The following GMDS variants were observed in gnomAD, a reference collection of about 807,000 sequenced individuals.
The protein encoded by GMDS is GDP-mannose 4,6 dehydratase.
In GMDS, 20 loss-of-function variants were observed where a neutral mutation model predicts 49.9. That is an observed-to-expected ratio of 0.40 (90% confidence interval 0.28 to 0.58). The LOEUF (loss-of-function observed/expected upper bound fraction) is 0.58. GMDS is among the 20% of genes least tolerant of loss of function. GMDS has a pLI of 0.42. For synonymous variants in GMDS, 177 were observed against 178.6 expected, an observed-to-expected ratio of 0.99 and a Z score of 0.07; for missense variants, 362 against 481.4, an observed-to-expected ratio of 0.75 and a Z score of 2.32.
At chr6:2,046,904 T>C (rs567472291) in intron 4 of GMDS, among the ~76,000 whole-genome samples, 2 of 152,326 alleles carry the variant, frequency 1.3e-5, no homozygotes, top group Admixed American at 6.5e-5. Flanking sequence ...TGGGCAGTGA[T>C]TGGAAGACTA....
At position 1,742,550 on chromosome 6, in the gene GMDS, C is replaced by G; in HGVS notation, c.808G>C (p.Asp270His). Residue 270 changes from aspartate to histidine, a missense_variant, in exon 8 of 11, where the codon GAC becomes CAC. Transcript: ENST00000380815. The stretch of plus-strand genomic sequence containing the variant: ...ACCTCCCCAGTAGCTATAACGAAGT[C>G]CTCCGGCTCATCATTCTGCAACATC... Reference protein sequence around the residue: ...WLMLQNDEPEDFVIATGEVHS... With the variant: ...WLMLQNDEPEHFVIATGEVHS... 1 of 1,611,300 alleles carries G rather than the reference C, an allele frequency of 6.2e-7. No homozygotes were observed. Among genetic ancestry groups the G allele is most frequent in the Non-Finnish European group, 8.5e-7 (1 of 1,177,450 alleles).
chr6:1,797,049 G>T (rs1026548411), intron 7 of GMDS, among the ~76,000 whole-genome samples: 2 of 152,168 alleles, frequency 1.3e-5, no homozygotes, highest in Non-Finnish European at 2.9e-5. Flanking sequence ...ACCAGTATAT[G>T]GCCTGTTAGG....
intron 1 of GMDS, among the ~76,000 whole-genome samples, chr6:2,220,708 G>T (rs1285639661): frequency 1.3e-5 from 2 of 151,722 alleles, no homozygotes; most frequent in Non-Finnish European, 2.9e-5. Context: ...TTTAAACTTG[G>T]GTCCCACCCC....
At chr6:1,722,659 C>T (rs1044627568) in intron 9 of GMDS, among the ~76,000 whole-genome samples, 4 of 152,186 alleles carry the variant, frequency 2.6e-5, no homozygotes, top group African/African-American at 7.2e-5. Context: ...AACAGAGGCA[C>T]TGAGAAGTTA....
chr6:1,959,015 C>T (rs181123701), intron 6 of GMDS, among the ~76,000 whole-genome samples: 116 of 152,238 alleles, frequency 7.6e-4, no homozygotes, highest in African/African-American at 2.7e-3. Context: ...TCTGAAAAGG[C>T]AACAAGCCAA....
chr6:1,992,016 C>G (rs1305666238), intron 4 of GMDS, among the ~76,000 whole-genome samples: 28 of 152,234 alleles, frequency 1.8e-4, no homozygotes, highest in Admixed American at 1.8e-3. Flanking sequence ...AGTCCCCCAC[C>G]TGCTTCAAAG....
chr6:2,075,499 C>T (rs374245025), intron 4 of GMDS, among the ~76,000 whole-genome samples: 9 of 152,156 alleles, frequency 5.9e-5, no homozygotes, highest in Non-Finnish European at 8.8e-5. Context: ...TGAGTGAGAA[C>T]ACGCGATGTT....
chr6:2,211,838 T>C (rs1481600888), intron 1 of GMDS, among the ~76,000 whole-genome samples: 1 of 152,244 alleles, frequency 6.6e-6, no homozygotes, highest in East Asian at 1.9e-4. Flanking sequence ...AGTTTACGAC[T>C]TCCAGTCTTT....
At chr6:2,145,492 G>A (rs935692081) in intron 1 of GMDS, among the ~76,000 whole-genome samples, 5 of 151,696 alleles carry the variant, frequency 3.3e-5, no homozygotes, top group African/African-American at 7.3e-5. Flanking sequence ...GAGCTGGCAC[G>A]GTGCCACTAT....
At chr6:1,729,486 T>C (rs1422795073) in intron 8 of GMDS, among the ~76,000 whole-genome samples, 1 of 152,240 alleles carries the variant, frequency 6.6e-6, no homozygotes, top group African/African-American at 2.4e-5. Flanking sequence ...GGCTCAAAGC[T>C]GAATTGAGTT....
At chr6:1,783,883 C>G (rs1019928352) in intron 7 of GMDS, among the ~76,000 whole-genome samples, 9 of 152,216 alleles carry the variant, frequency 5.9e-5, no homozygotes, top group African/African-American at 2.2e-4. Flanking sequence ...GTGAAGGTTA[C>G]TCTGGGTGAC....
chr6:2,016,912 G>T (rs1242463043), intron 4 of GMDS, among the ~76,000 whole-genome samples: 1 of 152,064 alleles, frequency 6.6e-6, no homozygotes, highest in Non-Finnish European at 1.5e-5. Flanking sequence ...AGGCAGTGCT[G>T]GGAGGCTAAT....
intron 1 of GMDS, among the ~76,000 whole-genome samples, chr6:2,135,539 T>G (rs1195865448): frequency 6.6e-6 from 1 of 152,188 alleles, no homozygotes; most frequent in Non-Finnish European, 1.5e-5. Context: ...AAGATGCATT[T>G]CCTACATTTG....
intron 7 of GMDS, among the ~76,000 whole-genome samples, chr6:1,823,071 A>G (rs1049247098): frequency 1.3e-5 from 2 of 152,188 alleles, no homozygotes; most frequent in African/African-American, 4.8e-5. Context: ...TACTTTTATA[A>G]TTTAGAGCTC....
Position 1,999,386 on chromosome 6 carries a change from G to A in GMDS, c.346-38420C>T, listed in dbSNP as rs150282113. Among the ~76,000 whole-genome samples the A allele has an allele frequency of 7.6e-4, 113 of 148,298 alleles. 2 individuals carry two copies. In the East Asian group the frequency reaches 0.02, roughly 26 times the overall value. ...GCAATTGTTCAGAAAGATATTAAAA[G>A]ATGTAAAAACAAGCTGATCTAGTAT... On this transcript the variant is annotated intron_variant, in intron 4 of 10. Coordinates refer to ENST00000380815, the MANE Select transcript of GMDS (RefSeq NM_001500.4).
chr6:2,114,044 T>C (rs960451023), intron 4 of GMDS, among the ~76,000 whole-genome samples: 1 of 152,158 alleles, frequency 6.6e-6, no homozygotes, highest in African/African-American at 2.4e-5. Flanking sequence ...TCATGATCAC[T>C]ACAACTAAGA....
rs545177790 is a variant in GMDS, at chr6:2,059,484, G to A, written c.345+56287C>T. ...AGCACTTTGGGAGGCCGAGGCGGGT[G>A]GATCACGAGGTCAGGAGATCGAGAC... On this transcript the variant is annotated intron_variant, in intron 4 of 10. Transcript: ENST00000380815. 4.4e-3 allele frequency among the ~76,000 whole-genome samples: 668 copies of A among 150,388 alleles called. 3 individuals carry two copies. The highest frequency in any genetic ancestry group is 0.016 in the African/African-American group (653 of 40,934).
intron 6 of GMDS, among the ~76,000 whole-genome samples, chr6:1,942,591 C>G (rs1005911085): frequency 1.2e-4 from 19 of 152,078 alleles, no homozygotes; most frequent in African/African-American, 4.3e-4. Context: ...CTCCAAGTGG[C>G]AAGACTGAAA....
chr6:1,983,440 A>G lies in GMDS; in HGVS notation c.346-22474T>C, dbSNP rs1266951239. Among the ~76,000 whole-genome samples, 4 of 152,188 alleles carry G rather than the reference A, an allele frequency of 2.6e-5. No individual in the cohort carries two copies. In the East Asian group the frequency reaches 7.7e-4, roughly 29 times the overall value. ...AAGAAACGATCAACAGAGTAAACAG[A>G]CAACCTACAGAATGGAAAAAAATTT... On this transcript the variant is annotated intron_variant, in intron 4 of 10. Coordinates refer to ENST00000380815, the MANE Select transcript of GMDS (RefSeq NM_001500.4).
Sources: gnomAD v4.1 joint callset for allele counts (sites outside exome capture counted in the v4.1 genomes callset) on GRCh38, gnomAD v4.1.1 for gene constraint, MANE v1.5 for transcripts, NCBI Gene and HGNC (gene_info 2026-07-23, HGNC 2026-07-21) for gene names.